KIF27: variants seen among roughly 807,000 people sequenced by gnomAD.
The protein encoded by KIF27 is kinesin family member 27.
KIF27 carries 84 observed loss-of-function variants against 141.8 expected under a neutral mutation model. The ratio of observed to expected loss-of-function variants is 0.59; its 90% CI spans 0.50 to 0.71. The LOEUF (loss-of-function observed/expected upper bound fraction) is 0.71, where lower values mean the gene tolerates loss of function less well. KIF27 is among the 30% of genes least tolerant of loss of function. The pLI is 0.00. For missense variants in KIF27, 1,306 were observed against 1,628.4 expected (o/e 0.80, Z 3.41); for synonymous variants, 471 against 569.5 (o/e 0.83, Z 2.46).
At chr9:83,895,348 T>C (rs186683272) in intron 5 of KIF27, among the ~76,000 whole-genome samples, 3 of 151,212 alleles carry the variant, frequency 2.0e-5, no homozygotes, top group African/African-American at 4.8e-5. Context: ...TAAAGAAAAA[T>C]CATTTGATAA....
At chr9:83,851,887 T>A (rs1948623788) in intron 15 of KIF27, among the ~76,000 whole-genome samples, 1 of 152,074 alleles carries the variant, frequency 6.6e-6, no homozygotes, top group South Asian at 2.1e-4. Flanking sequence ...CCCAGCACTT[T>A]GGGAGGCCGA....
chr9:83,896,051 CAAAAAA>C (rs35504224), intron 5 of KIF27, among the ~76,000 whole-genome samples: 3 of 54,524 alleles, frequency 5.5e-5, no homozygotes, highest in African/African-American at 1.9e-4. Flanking sequence ...GACTCTGTCT[CAAAAAA>C]AAAAAAAAAA....
intron 2 of KIF27, among the ~76,000 whole-genome samples, chr9:83,913,408 T>G (rs560832642): frequency 6.6e-6 from 1 of 151,994 alleles, no homozygotes; most frequent in East Asian, 1.9e-4. Context: ...CTGGGAAACA[T>G]AAAATGCTCA....
chr9:83,919,190 C>G (rs1956006849), intron 1 of KIF27, among the ~76,000 whole-genome samples: 1 of 152,122 alleles, frequency 6.6e-6, no homozygotes, highest in South Asian at 2.1e-4. Flanking sequence ...AATTAGAACC[C>G]TCATACACTA....
At chr9:83,838,164 T>G (rs1172586028) in intron 17 of KIF27, among the ~76,000 whole-genome samples, 1 of 151,924 alleles carries the variant, frequency 6.6e-6, no homozygotes, top group Non-Finnish European at 1.5e-5. Flanking sequence ...AGACCTAATA[T>G]GATGAAAAAT....
intron 9 of KIF27, among the ~76,000 whole-genome samples, chr9:83,885,328 A>G (rs1952003966): frequency 6.6e-6 from 1 of 152,042 alleles, no homozygotes. Flanking sequence ...CCTGACCTCA[A>G]ATGATCTGCC....
At chr9:83,896,932 G>C (rs542247231) in intron 5 of KIF27, among the ~76,000 whole-genome samples, 9 of 152,210 alleles carry the variant, frequency 5.9e-5, no homozygotes, top group Admixed American at 2.0e-4. Context: ...GGAAAATGAG[G>C]AGTGACTGCT....
At chr9:83,855,621 A>G (rs1564307244) in intron 14 of KIF27, among the ~76,000 whole-genome samples, 2 of 152,194 alleles carry the variant, frequency 1.3e-5, no homozygotes, top group African/African-American at 4.8e-5. Context: ...ACATAACGAA[A>G]CAAATTTTTT....
At chr9:83,912,567 TAAC>T (rs1351024431) in intron 2 of KIF27, among the ~76,000 whole-genome samples, 3 of 152,212 alleles carry the variant, frequency 2.0e-5, no homozygotes, top group Non-Finnish European at 4.4e-5. Context: ...CATCTATAGA[TAAC>T]AAAGCACAAT....
chr9:83,894,717 T>C (rs372968668), intron 5 of KIF27, among the ~76,000 whole-genome samples: 1 of 152,214 alleles, frequency 6.6e-6, no homozygotes, highest in South Asian at 2.1e-4. Context: ...GAGACAAGTC[T>C]TGGAAGCTTG....
At chr9:83,904,842 G>A (rs1332542758) in intron 3 of KIF27, among the ~76,000 whole-genome samples, 1 of 151,300 alleles carries the variant, frequency 6.6e-6, no homozygotes, top group Non-Finnish European at 1.5e-5. Context: ...CATAATCAAT[G>A]AAGAGTAAAA....
At chr9:83,854,883 G>T (rs1372562007) in intron 14 of KIF27, among the ~76,000 whole-genome samples, 2 of 152,106 alleles carry the variant, frequency 1.3e-5, no homozygotes, top group African/African-American at 4.8e-5. Flanking sequence ...TTATTGCCTA[G>T]CACAGTACCT....
intron 5 of KIF27, among the ~76,000 whole-genome samples, chr9:83,892,169 G>C (rs953664355): frequency 6.6e-6 from 1 of 152,068 alleles, no homozygotes; most frequent in Non-Finnish European, 1.5e-5. Context: ...TGTTTTACAA[G>C]CACAAATTTA....
intron 11 of KIF27, among the ~76,000 whole-genome samples, chr9:83,870,860 T>C (rs965435936): frequency 5.3e-5 from 8 of 151,864 alleles, no homozygotes; most frequent in African/African-American, 1.9e-4. Context: ...AGAAAATGAG[T>C]AGATGACAGT....
At chr9:83,910,276 T>A (rs1297409900) in intron 2 of KIF27, among the ~76,000 whole-genome samples, 1 of 152,138 alleles carries the variant, frequency 6.6e-6, no homozygotes, top group African/African-American at 2.4e-5. Flanking sequence ...TTTTAGATGA[T>A]ATATAATTTC....
intron 2 of KIF27, 74 bp from the exon 3 acceptor site, chr9:83,908,726 A>C: frequency 2.3e-6 from 2 of 869,686 alleles, no homozygotes; most frequent in Non-Finnish European, 3.5e-6. Flanking sequence ...ATTTATAGTT[A>C]ATTTATTTTA....
intron 11 of KIF27, among the ~76,000 whole-genome samples, chr9:83,873,032 C>A (rs1455704987): frequency 6.6e-6 from 1 of 152,192 alleles, no homozygotes; most frequent in East Asian, 1.9e-4. Context: ...GGGGAACTGG[C>A]TCCCAAACTA....
intron 1 of KIF27, among the ~76,000 whole-genome samples, chr9:83,918,809 C>G (rs1955961159): frequency 6.6e-6 from 1 of 151,840 alleles, no homozygotes; most frequent in South Asian, 2.1e-4. Context: ...GGCGCAGTGG[C>G]TCAAACCTGT....
At chr9:83,897,037 A>T (rs1404256914) in intron 5 of KIF27, among the ~76,000 whole-genome samples, 1 of 152,174 alleles carries the variant, frequency 6.6e-6, no homozygotes, top group African/African-American at 2.4e-5. Flanking sequence ...ATACATAAAA[A>T]AATCATTGAA....
Sources: allele counts gnomAD v4.1 joint callset (sites outside exome capture counted in the v4.1 genomes callset), GRCh38; gene constraint gnomAD v4.1.1; transcripts MANE v1.5; gene names NCBI Gene and HGNC (gene_info 2026-07-23, HGNC 2026-07-21).